AP1G1: variants seen among roughly 807,000 people sequenced by gnomAD.
AP1G1 encodes AP-1 complex subunit gamma-1.
Under a neutral mutation model 108.3 loss-of-function variants are expected in AP1G1, and 7 were observed. That is an observed-to-expected ratio of 0.06 (90% CI 0.04 to 0.12). The LOEUF (loss-of-function observed/expected upper bound fraction) is 0.12. Among genes scored for constraint, AP1G1 ranks in the 10% least tolerant of loss-of-function variants. The pLI is 1.00. For missense variants in AP1G1, 756 were observed against 1,010.7 expected, an observed-to-expected ratio of 0.75 and a Z score of 3.42; for synonymous variants, 379 against 353.5, an observed-to-expected ratio of 1.07 and a Z score of -0.81.
chr16:71,782,922 T>C (rs1004415246), intron 2 of AP1G1, among the ~76,000 whole-genome samples: 1 of 152,196 alleles, frequency 6.6e-6, no homozygotes, highest in African/African-American at 2.4e-5. Context: ...CAAGCTTATT[T>C]TGTACATTTC....
chr16:71,747,618 C>CA lies in AP1G1; in HGVS notation c.1625+632_1625+633insT, dbSNP rs372378517. 4.4e-3 allele frequency among the ~76,000 whole-genome samples: 661 copies of CA among 151,482 alleles called. 11 individuals carry two copies. The highest frequency in any genetic ancestry group is 0.015 in the African/African-American group (640 of 41,322). On this transcript the variant is annotated intron_variant, in intron 16 of 22. Transcript: ENST00000299980. ...AATATAAAATACAAATAAACCAAAA[C>CA]CTTTATATGGGGAAGTAGATTCTCA... is the stretch of plus-strand genomic sequence containing the variant.
intron 9 of AP1G1, 71 bp downstream of exon 9, chr16:71,764,279 G>A (rs2031225641): frequency 1.2e-6 from 1 of 824,732 alleles, no homozygotes; most frequent in Admixed American, 2.8e-5. Context: ...CAATTCTGAA[G>A]TACTGAAGTC....
chr16:71,736,117 A>AAAAAAAAAAAAATATATAT (rs1555550846), intron 21 of AP1G1, among the ~76,000 whole-genome samples: 2 of 71,632 alleles, frequency 2.8e-5, no homozygotes, highest in African/African-American at 1.2e-4. Flanking sequence ...AAAAAAAAAA[A>AAAAAAAAAAAAATATATAT]ATATATATAT....
chr16:71,784,616 T>C (rs2032136654), intron 2 of AP1G1, among the ~76,000 whole-genome samples: 1 of 152,142 alleles, frequency 6.6e-6, no homozygotes, highest in Non-Finnish European at 1.5e-5. Flanking sequence ...TGGAGTGCAA[T>C]GGTATGATCT....
chr16:71,784,118 G>C (rs2032118177), intron 2 of AP1G1, among the ~76,000 whole-genome samples: 1 of 152,138 alleles, frequency 6.6e-6, no homozygotes, highest in Non-Finnish European at 1.5e-5. Flanking sequence ...TTAGAATTCA[G>C]TGCTTCAAAA....
chr16:71,730,101 T>G lies in AP1G1; in HGVS notation c.*2957A>C, dbSNP rs986603191. On this transcript the variant is annotated 3_prime_UTR_variant, in exon 23 of 23. Transcript: ENST00000299980. ...GAGGAAAGAATCCCCTCCCAAATGT[T>G]ACACTGAGGAATGTTTCTTTAAATG... 6.6e-6 allele frequency: 1 copy of G among 152,582 alleles called. No individual in the cohort carries two copies. The highest frequency in any genetic ancestry group is 1.5e-5 in the Non-Finnish European group (1 of 68,042). 9.5% of individuals were successfully genotyped at this position (152,582 alleles called of 1,614,324 possible). A position where few individuals can be genotyped will look rare whatever the true frequency, so the allele number is the denominator to read the frequency against.
intron 21 of AP1G1, 78 bp from the exon 22 acceptor site, chr16:71,734,785 AC>A: frequency 1.7e-6 from 2 of 1,159,370 alleles, no homozygotes; most frequent in Non-Finnish European, 2.6e-6. Context: ...CCATTTAGAC[AC>A]CCAGATGATG....
chr16:71,783,449 A>ATT (rs1334823255), intron 2 of AP1G1, among the ~76,000 whole-genome samples: 3 of 152,202 alleles, frequency 2.0e-5, no homozygotes, highest in African/African-American at 7.2e-5. Context: ...AAAGGATACT[A>ATT]TTTGCAACAG....
In AP1G1 at chr16:71,730,112, A is replaced by G. The variant is rs1468764252; in HGVS notation, c.*2946T>C. ...CCCCTCCCAAATGTTACACTGAGGAATGTTTCTTTAAATGATAAAGACCTT... is the reference window on the plus strand; with the variant it reads ...CCCCTCCCAAATGTTACACTGAGGAGTGTTTCTTTAAATGATAAAGACCTT... On this transcript the variant is annotated 3_prime_UTR_variant, in exon 23 of 23. Coordinates refer to ENST00000299980, the MANE Select transcript of AP1G1 (RefSeq NM_001128.6). 1.3e-5 allele frequency: 2 copies of G among 152,606 alleles called. No homozygotes were observed. The highest frequency in any genetic ancestry group is 2.9e-5 in the Non-Finnish European group (2 of 68,032). The allele number at this position is 152,606 out of a possible 1,614,324, so 9.5% of individuals were successfully genotyped here.
chr16:71,799,303 A>G (rs905738786), intron 1 of AP1G1, among the ~76,000 whole-genome samples: 1 of 152,228 alleles, frequency 6.6e-6, no homozygotes, highest in Non-Finnish European at 1.5e-5. Flanking sequence ...TGGAGACTAC[A>G]GAAATAAAAG....
intron 1 of AP1G1, among the ~76,000 whole-genome samples, chr16:71,789,688 C>G (rs2032327904): frequency 6.6e-6 from 1 of 152,118 alleles, no homozygotes; most frequent in Admixed American, 6.6e-5. Context: ...GGAAAGGCTA[C>G]AAACAAATAT....
chr16:71,795,234 T>A (rs1013116069), intron 1 of AP1G1, among the ~76,000 whole-genome samples: 1 of 152,160 alleles, frequency 6.6e-6, no homozygotes, highest in Non-Finnish European at 1.5e-5. Context: ...TGCAACTATG[T>A]GGTCAGTCTT....
At chr16:71,799,880 C>G (rs2032721968) in intron 1 of AP1G1, among the ~76,000 whole-genome samples, 1 of 148,220 alleles carries the variant, frequency 6.7e-6, no homozygotes, top group Non-Finnish European at 1.5e-5. Context: ...GCCTTCGTGA[C>G]AGAGCGAGGT....
At chr16:71,808,553 C>G (rs1395520997) in intron 1 of AP1G1, 7 of 1,287,916 alleles carry the variant, frequency 5.4e-6, no homozygotes, top group African/African-American at 1.5e-5. Flanking sequence ...CGGAACCTCC[C>G]GGTCCGAGGC....
chr16:71,746,119 C>G (rs758854482), intron 17 of AP1G1, among the ~76,000 whole-genome samples: 6 of 152,098 alleles, frequency 3.9e-5, no homozygotes, highest in Admixed American at 2.0e-4. Context: ...AAATGATTCT[C>G]CTGCTTCAGC....
intron 9 of AP1G1, 127 bp downstream of exon 9, chr16:71,764,223 C>A: frequency 1.8e-6 from 1 of 568,348 alleles, no homozygotes; most frequent in East Asian, 3.2e-5. Flanking sequence ...TCCAGCATTC[C>A]ACATTTTGCA....
At chr16:71,758,452 G>A (rs765695996) in intron 11 of AP1G1, 8 of 527,546 alleles carry the variant, frequency 1.5e-5, no homozygotes, top group South Asian at 2.8e-5. Flanking sequence ...ACACTTAGCC[G>A]ATGGATCACT....
At chr16:71,754,218 G>GAAGAAAGAA (rs1368061888) in intron 12 of AP1G1, among the ~76,000 whole-genome samples, 2 of 144,754 alleles carry the variant, frequency 1.4e-5, no homozygotes, top group African/African-American at 5.1e-5. Context: ...AGAAGAAACA[G>GAAGAAAGAA]AAGAAAGAAA....
At chr16:71,773,402 T>TC (rs777288308) in intron 3 of AP1G1, 40 bp from the exon 4 acceptor site, 1 of 1,462,024 alleles carries the variant, frequency 6.8e-7, no homozygotes, top group Non-Finnish European at 9.0e-7. Context: ...AGCCTGGTGC[T>TC]CCCCAAGAAG....
Sources: gnomAD v4.1 joint callset for allele counts (sites outside exome capture counted in the v4.1 genomes callset) on GRCh38, gnomAD v4.1.1 for gene constraint, MANE v1.5 for transcripts, NCBI Gene and HGNC (gene_info 2026-07-23, HGNC 2026-07-21) for gene names.